MMRN1: variants seen among roughly 807,000 people sequenced by gnomAD.
The protein encoded by MMRN1 is multimerin 1, also known as multimerin-1.
In MMRN1, 94 loss-of-function variants were observed where a neutral mutation model predicts 100.7. The ratio of observed to expected loss-of-function variants is 0.93; its 90% CI spans 0.79 to 1.11. The LOEUF (loss-of-function observed/expected upper bound fraction) is 1.11. Ranked by LOEUF, MMRN1 falls within the 50% of genes least tolerant of loss-of-function variation. The probability of loss-of-function intolerance (pLI) is 0.00; values close to 1 mark genes in which losing one functional copy is unlikely to be tolerated. For synonymous variants in MMRN1, 575 were observed against 505.0 expected, an observed-to-expected ratio of 1.14 and a Z score of -1.86; for missense variants, 1,606 against 1,439.1, an observed-to-expected ratio of 1.12 and a Z score of -1.88.
rs769982842 is a variant in MMRN1 at position 89,895,215 on chromosome 4, A to G, written c.244A>G (p.Thr82Ala). 2.4e-5 allele frequency: 39 copies of G among 1,613,678 alleles called. No individual in the cohort carries two copies. The highest frequency in any genetic ancestry group is 2.8e-5 in the Non-Finnish European group (33 of 1,179,904). Residue 82 changes from threonine (T) to alanine (A), a missense_variant, in exon 1 of 8, where the codon ACA becomes GCA. Coordinates refer to ENST00000264790, the MANE Select transcript of MMRN1 (RefSeq NM_007351.3). ...RTSEDSLLKS[T>A]LPPSETSAPA... ...TTCTGAAGACAGTCTTCTTAAATCA[A>G]CACTGCCTCCCTCAGAAACAAGTGC...
intron 6 of MMRN1, among the ~76,000 whole-genome samples, chr4:89,942,999 T>C (rs998607540): frequency 6.6e-6 from 1 of 152,018 alleles, no homozygotes; most frequent in Non-Finnish European, 1.5e-5. Flanking sequence ...GGCATGAAAA[T>C]GGTGTTTGGA....
intron 3 of MMRN1, among the ~76,000 whole-genome samples, chr4:89,914,743 A>T (rs745637290): frequency 2.0e-5 from 3 of 151,548 alleles, no homozygotes; most frequent in Non-Finnish European, 4.4e-5. Context: ...GTCAGCAGTA[A>T]CATACACTTA....
In MMRN1 at chr4:89,935,789, A is replaced by C; in HGVS notation, c.2109A>C (p.Arg703Ser). 1 of 1,613,142 alleles carries C rather than the reference A, an allele frequency of 6.2e-7. No individual in the cohort carries two copies. The highest frequency in any genetic ancestry group is 8.5e-7 in the Non-Finnish European group (1 of 1,179,606). The change falls in exon 6 of 8, where the codon AGA (arginine) becomes AGC (serine). Residue 703 changes from arginine to serine, a missense_variant. Physicochemically the swap from Arg to Ser is moderately radical, Grantham distance 110 (BLOSUM62 -1). Transcript: ENST00000264790. ...TTACAAAAAGACACAACTTACTTAG[A>C]AATGAAGTACAGGGTCGTGATGATG... ...KELTKRHNLL[R>S]NEVQGRDDAL...
At position 89,935,170 on chromosome 4, in the gene MMRN1, C is replaced by G. The variant is rs1283844520; in HGVS notation, c.1490C>G (p.Ser497Ter). ...GAAGGTGCTCTAGAACAGGAACACTCAAGAAGCATTCTGTATTATGAATCC... is the reference window on the plus strand; with the variant it reads ...GAAGGTGCTCTAGAACAGGAACACTGAAGAAGCATTCTGTATTATGAATCC... Reference protein sequence around the residue: ...HLEGALEQEHSRSILYYESLN... With the variant: ...HLEGALEQEH The change falls in exon 6 of 8, where the codon TCA becomes TGA. Residue 497 changes from serine to a stop codon, truncating the protein, a stop_gained. Coordinates refer to ENST00000264790, the MANE Select transcript of MMRN1 (RefSeq NM_007351.3). LOFTEE classifies it high-confidence loss of function. 4 of 1,613,158 alleles carry G rather than the reference C, an allele frequency of 2.5e-6. No homozygotes were observed. The African/African-American group carries it at 5.3e-5, about 22-fold the overall frequency.
intron 7 of MMRN1, among the ~76,000 whole-genome samples, 175 bp downstream of exon 7, chr4:89,951,926 T>C (rs1482280330): frequency 1.3e-5 from 2 of 152,210 alleles, no homozygotes; most frequent in Non-Finnish European, 2.9e-5. Flanking sequence ...GGAAATGTCC[T>C]TTTGTTAGGC....
chr4:89,951,830 A>C, intron 7 of MMRN1, 79 bp downstream of exon 7: 1 of 1,501,674 alleles, frequency 6.7e-7, no homozygotes. Flanking sequence ...TTATTAATGA[A>C]TATTTAAGCC....
Position 89,923,229 on chromosome 4 carries a change from A to T in MMRN1, c.912A>T (p.Arg304Ser). 6.2e-7 allele frequency: 1 copy of T among 1,613,996 alleles called. No homozygotes were observed. The highest frequency in any genetic ancestry group is 1.1e-5 in the South Asian group (1 of 91,080). Residue 304 changes from arginine (R) to serine (S), a missense_variant, in exon 4 of 8, where the codon AGA becomes AGT. Physicochemically the swap from Arg to Ser is moderately radical, Grantham distance 110. Coordinates refer to ENST00000264790, the MANE Select transcript of MMRN1 (RefSeq NM_007351.3). ...NQAESHTAVGRGVAEQQQQQG... is the reference protein window; with the variant it reads ...NQAESHTAVGSGVAEQQQQQG... ...CTGAAAGTCATACAGCTGTTGGCAG[A>T]GGAGTAGCTGAGCAGCAGCAGCAGC... is the stretch of plus-strand genomic sequence containing the variant.
Position 89,936,055 on chromosome 4 carries a change from A to T in MMRN1, c.2375A>T (p.Asp792Val), listed in dbSNP as rs1266341415. The T allele has an allele frequency of 6.2e-7, 1 of 1,611,818 alleles. No individual in the cohort carries two copies. Among genetic ancestry groups the T allele is most frequent in the Non-Finnish European group, 8.5e-7 (1 of 1,179,302 alleles). The stretch of plus-strand genomic sequence containing the variant: ...GATTCTATTCAGACTTTGGTCAATG[A>T]CAATCAGAGATATAACTTTGTTTTG... Reference protein sequence around the residue: ...LNDSIQTLVNDNQRYNFVLQV... With the variant: ...LNDSIQTLVNVNQRYNFVLQV... The change falls in exon 6 of 8, where the codon GAC becomes GTC. Residue 792 changes from aspartate to valine, a missense_variant. By Grantham distance (152) the Asp-to-Val change is radical. Coordinates refer to ENST00000264790, the MANE Select transcript of MMRN1 (RefSeq NM_007351.3).
At chr4:89,912,487 G>A (rs1026655350) in intron 3 of MMRN1, among the ~76,000 whole-genome samples, 1 of 150,534 alleles carries the variant, frequency 6.6e-6, no homozygotes, top group Non-Finnish European at 1.5e-5. Flanking sequence ...AGTATTAAAG[G>A]ACATACAAGG....
rs751173219 is a variant in MMRN1 at position 89,936,498 on chromosome 4, G to C, written c.2818G>C (p.Glu940Gln). The C allele has an allele frequency of 1.2e-6, 2 of 1,613,274 alleles. No individual in the cohort carries two copies. The highest frequency in any genetic ancestry group is 1.7e-4 in the Middle Eastern group (1 of 6,054). ...MCHNASTSVS[E>Q]LNATIPKWIK... is the part of the protein sequence containing the mutation. ...TCACAATGCTTCTACAAGTGTGTCA[G>C]AACTGAATGCTACCATCCCTAAGTG... The change falls in exon 6 of 8, where the codon GAA (glutamate) becomes CAA (glutamine). Residue 940 changes from glutamate to glutamine, a missense_variant. Glu to Gln is a conservative substitution (Grantham distance 29, BLOSUM62 2). Coordinates refer to ENST00000264790, the MANE Select transcript of MMRN1 (RefSeq NM_007351.3).
At chr4:89,952,684 T>C (rs1476349805) in intron 7 of MMRN1, among the ~76,000 whole-genome samples, 2 of 152,166 alleles carry the variant, frequency 1.3e-5, no homozygotes, top group Non-Finnish European at 2.9e-5. Flanking sequence ...TTGAATTCCT[T>C]TATCTCTGGG....
chr4:89,952,851 AC>A (rs1560602007), intron 7 of MMRN1, 145 bp from the exon 8 acceptor site: 19 of 681,546 alleles, frequency 2.8e-5, no homozygotes, highest in Non-Finnish European at 4.3e-5. Flanking sequence ...AGGCATTGAG[AC>A]ACGTGCACCT....
chr4:89,912,693 C>G (rs1320113153), intron 3 of MMRN1, among the ~76,000 whole-genome samples: 2 of 150,858 alleles, frequency 1.3e-5, no homozygotes, highest in African/African-American at 4.9e-5. Flanking sequence ...ACAGCATCAG[C>G]ATACATATTT....
chr4:89,899,964 G>T (rs1446102010), intron 1 of MMRN1, among the ~76,000 whole-genome samples: 4 of 151,936 alleles, frequency 2.6e-5, no homozygotes, highest in Admixed American at 2.0e-4. Context: ...CATTTCACTG[G>T]ATTAAGTCTT....
intron 5 of MMRN1, among the ~76,000 whole-genome samples, chr4:89,929,302 T>C (rs1451415327): frequency 6.6e-6 from 1 of 152,172 alleles, no homozygotes; most frequent in Non-Finnish European, 1.5e-5. Flanking sequence ...GATAAATAGG[T>C]GGATATTTAA....
At chr4:89,924,136 T>A (rs1722173122) in intron 4 of MMRN1, among the ~76,000 whole-genome samples, 2 of 152,188 alleles carry the variant, frequency 1.3e-5, no homozygotes, top group South Asian at 4.1e-4. Context: ...ACAATAAAAT[T>A]CTCAGAACAT....
chr4:89,923,517 G>A (rs1722155266), intron 4 of MMRN1, among the ~76,000 whole-genome samples: 1 of 152,184 alleles, frequency 6.6e-6, no homozygotes, highest in African/African-American at 2.4e-5. Flanking sequence ...AAAATGCTGT[G>A]ATACTAGGTT....
rs950949900 is a variant in MMRN1, at chr4:89,895,119, C to G, written c.148C>G (p.Gln50Glu). 6 of 1,613,730 alleles carry G rather than the reference C, an allele frequency of 3.7e-6. No homozygotes were observed. The highest frequency in any genetic ancestry group is 5.1e-6 in the Non-Finnish European group (6 of 1,179,904). Residue 50 changes from glutamine to glutamate, a missense_variant, in exon 1 of 8, where the codon CAA (glutamine) becomes GAA (glutamate). Coordinates refer to ENST00000264790, the MANE Select transcript of MMRN1 (RefSeq NM_007351.3). The part of the protein sequence containing the change: ...PSASVPPNKI[Q>E]SLQILPTTRV... ...TGCTTCAGTTCCTCCAAATAAAATA[C>G]AAAGTTTGCAAATACTGCCAACCAC... is the stretch of plus-strand genomic sequence containing the variant.
intron 3 of MMRN1, among the ~76,000 whole-genome samples, chr4:89,912,983 T>C (rs1212589434): frequency 6.6e-6 from 1 of 151,206 alleles, no homozygotes; most frequent in African/African-American, 2.4e-5. Context: ...GTTATAAAAA[T>C]TCAATTTATA....
Sources: gnomAD v4.1 joint callset for allele counts (sites outside exome capture counted in the v4.1 genomes callset) on GRCh38, gnomAD v4.1.1 for gene constraint, MANE v1.5 for transcripts, NCBI Gene and HGNC (gene_info 2026-07-23, HGNC 2026-07-21) for gene names.